GRIN2B: variants seen among roughly 807,000 people sequenced by gnomAD.
GRIN2B encodes the protein glutamate receptor ionotropic, NMDA 2B.
Under a neutral mutation model 114.5 loss-of-function variants are expected in GRIN2B, and 5 were observed. The ratio of observed to expected loss-of-function variants is 0.04; its 90% confidence interval spans 0.02 to 0.09. GRIN2B has a LOEUF of 0.09. GRIN2B is among the 10% of genes least tolerant of loss of function. The pLI is 1.00. For missense variants in GRIN2B, 1,108 were observed against 1,943.5 expected, an observed-to-expected ratio of 0.57 and a Z score of 8.08; for synonymous variants, 787 against 745.1, an observed-to-expected ratio of 1.06 and a Z score of -0.92.
At chr12:13,662,285 G>A (rs926516661) in intron 5 of GRIN2B, among the ~76,000 whole-genome samples, 2 of 152,038 alleles carry the variant, frequency 1.3e-5, no homozygotes, top group Admixed American at 1.3e-4. Context: ...CCTCAAAGTG[G>A]GCCTGTAGCC....
At chr12:13,739,677 G>C (rs1483912823) in intron 4 of GRIN2B, among the ~76,000 whole-genome samples, 1 of 152,162 alleles carries the variant, frequency 6.6e-6, no homozygotes. Flanking sequence ...TGATTGCATG[G>C]AGAATGGTTC....
chr12:13,915,661 A>T (rs1176841174), intron 2 of GRIN2B, among the ~76,000 whole-genome samples: 2 of 152,164 alleles, frequency 1.3e-5, no homozygotes, highest in African/African-American at 2.4e-5. Context: ...TATTTTATTT[A>T]ATTTTCATTA....
intron 4 of GRIN2B, among the ~76,000 whole-genome samples, chr12:13,683,029 T>C (rs1950145861): frequency 6.6e-6 from 1 of 152,164 alleles, no homozygotes; most frequent in Admixed American, 6.5e-5. Flanking sequence ...TTTAAGGAGT[T>C]CTGTCACCAG....
intron 10 of GRIN2B, among the ~76,000 whole-genome samples, chr12:13,594,671 TAAAAA>T (rs34596965): frequency 7.0e-6 from 1 of 142,322 alleles, no homozygotes; most frequent in Non-Finnish European, 1.5e-5. Flanking sequence ...CTTAAAGTAT[TAAAAA>T]AAAAAAAAGC....
intron 4 of GRIN2B, among the ~76,000 whole-genome samples, chr12:13,720,392 A>G (rs1950496889): frequency 6.6e-6 from 1 of 152,034 alleles, no homozygotes; most frequent in African/African-American, 2.4e-5. Flanking sequence ...GAGACATAAA[A>G]CTGGCTAGGG....
intron 4 of GRIN2B, among the ~76,000 whole-genome samples, chr12:13,683,144 G>C (rs1470790869): frequency 6.6e-6 from 1 of 152,084 alleles, no homozygotes; most frequent in Non-Finnish European, 1.5e-5. Context: ...GTCCATCTGG[G>C]ATGAAATGGA....
intron 2 of GRIN2B, among the ~76,000 whole-genome samples, chr12:13,948,362 T>C (rs1236576185): frequency 6.6e-6 from 1 of 152,144 alleles, no homozygotes; most frequent in African/African-American, 2.4e-5. Context: ...GTTAGCCCTC[T>C]GGGGGGACTA....
chr12:13,642,190 A>C (rs538201282), intron 5 of GRIN2B, among the ~76,000 whole-genome samples: 8 of 34,696 alleles, frequency 2.3e-4, no homozygotes, highest in Non-Finnish European at 6.4e-5. Context: ...CTCTGTCTCA[A>C]AACAAACAAA....
chr12:13,935,521 T>C (rs925799157), intron 2 of GRIN2B, among the ~76,000 whole-genome samples: 2 of 152,222 alleles, frequency 1.3e-5, no homozygotes, highest in African/African-American at 2.4e-5. Flanking sequence ...TGATTCAAAC[T>C]GCCTGGGTTT....
intron 3 of GRIN2B, among the ~76,000 whole-genome samples, chr12:13,768,383 A>G (rs1003251530): frequency 6.6e-6 from 1 of 152,232 alleles, no homozygotes; most frequent in Non-Finnish European, 1.5e-5. Flanking sequence ...AAGAATGGCA[A>G]GTCTTTCACC....
chr12:13,739,403 G>GAA (rs1291795003), intron 4 of GRIN2B, among the ~76,000 whole-genome samples: 13 of 81,892 alleles, frequency 1.6e-4, no homozygotes, highest in South Asian at 4.4e-4. Flanking sequence ...AAAAAAAAAA[G>GAA]AAGAAAAGGA....
At position 13,563,425 on chromosome 12, in the gene GRIN2B, C is replaced by T. The variant is rs201906121; in HGVS notation, c.3813G>A (p.Ala1271=). Residue 1271 remains alanine, a synonymous_variant, in exon 14 of 14, where the codon GCG becomes GCA. Coordinates refer to ENST00000609686, the MANE Select transcript of GRIN2B (RefSeq NM_000834.5). ...QELDQPAAPV[A]VTSNASTTKY... ...TAGTGGTGGAGGCGTTTGACGTCAC[C>T]GCCACTGGGGCAGCCGGCTGGTCCA... The T allele has an allele frequency of 5.6e-6, 9 of 1,614,174 alleles. No homozygotes were observed. The East Asian group carries it at 6.7e-5, about 12-fold the overall frequency.
chr12:13,728,510 G>C (rs993336582), intron 4 of GRIN2B, among the ~76,000 whole-genome samples: 2 of 152,130 alleles, frequency 1.3e-5, no homozygotes, highest in Admixed American at 6.6e-5. Context: ...GATACACAGA[G>C]AGCTGTAGTT....
intron 5 of GRIN2B, among the ~76,000 whole-genome samples, chr12:13,658,869 G>A (rs990060035): frequency 2.0e-5 from 3 of 149,944 alleles, no homozygotes; most frequent in Admixed American, 6.7e-5. Flanking sequence ...AAAGTCCCCT[G>A]CCTTCACCTT....
At chr12:13,662,558 A>C (rs897096175) in intron 5 of GRIN2B, among the ~76,000 whole-genome samples, 12 of 152,116 alleles carry the variant, frequency 7.9e-5, no homozygotes, top group African/African-American at 2.9e-4. Flanking sequence ...TGATTTGTTT[A>C]TATGTTTGTT....
chr12:13,880,215 A>G (rs1866050055), intron 2 of GRIN2B, among the ~76,000 whole-genome samples: 1 of 152,200 alleles, frequency 6.6e-6, no homozygotes, highest in Non-Finnish European at 1.5e-5. Context: ...ACTAAAGAGC[A>G]CCGAGGGTAT....
intron 5 of GRIN2B, among the ~76,000 whole-genome samples, chr12:13,666,859 T>A (rs965995928): frequency 7.9e-5 from 12 of 152,188 alleles, no homozygotes; most frequent in Admixed American, 5.9e-4. Flanking sequence ...ATTTTAGCTT[T>A]AATGCCAAAC....
chr12:13,570,375 G>A (rs546213914), intron 11 of GRIN2B, among the ~76,000 whole-genome samples: 15 of 152,212 alleles, frequency 9.9e-5, no homozygotes, highest in Non-Finnish European at 1.8e-4. Flanking sequence ...ATAGCATGGG[G>A]TTAGATTTAT....
chr12:13,883,462 G>T (rs1409209368), intron 2 of GRIN2B, among the ~76,000 whole-genome samples: 1 of 151,456 alleles, frequency 6.6e-6, no homozygotes, highest in Non-Finnish European at 1.5e-5. Context: ...CCTGCCTTTG[G>T]TCCTTCTTTC....
Sources: gnomAD v4.1 joint callset for allele counts (sites outside exome capture counted in the v4.1 genomes callset) on GRCh38, gnomAD v4.1.1 for gene constraint, MANE v1.5 for transcripts, NCBI Gene and HGNC (gene_info 2026-07-23, HGNC 2026-07-21) for gene names.